CNOT7: variants seen among roughly 807,000 people sequenced by gnomAD.
The protein encoded by CNOT7 is BTG1-binding factor 1.
Under a neutral mutation model 37.1 loss-of-function variants are expected in CNOT7, and 4 were observed. The ratio of observed to expected loss-of-function variants is 0.11; its 90% CI spans 0.05 to 0.25. The LOEUF is 0.25. Ranked by LOEUF, CNOT7 falls within the 10% of genes least tolerant of loss-of-function variation. CNOT7 has a pLI of 1.00. For synonymous variants in CNOT7, 128 were observed against 115.6 expected (o/e 1.11, Z -0.69); for missense variants, 170 against 336.2 (o/e 0.51, Z 3.87).
At chr8:17,234,915 A>T (rs1486207276) in intron 4 of CNOT7, 55 bp from the exon 5 acceptor site, 71 of 1,167,620 alleles carry the variant, frequency 6.1e-5, no homozygotes, top group Middle Eastern at 3.2e-4. Context: ...TATAAAGATT[A>T]AAAAAAAAAG....
rs61036000 is a variant in CNOT7 at position 17,226,029 on chromosome 8, C to CTTTTTTTTTTTTTTTTTTTTTT, written c.*4669_*4690dup. Reference sequence around the variant, plus strand: ...TCTTCTAGTAGAGAGGTGGACAAGCCTTTTTTTTTTTTTTTTTTTTTTTTT... The same window carrying CTTTTTTTTTTTTTTTTTTTTTT: ...TCTTCTAGTAGAGAGGTGGACAAGCCTTTTTTTTTTTTTTTTTTTTTTTTTTTTTTTTTTTTTTTTTTTTTTT... On this transcript the variant is annotated 3_prime_UTR_variant, in exon 7 of 7. Transcript: ENST00000361272. 1 of 58,720 alleles carries CTTTTTTTTTTTTTTTTTTTTTT rather than the reference C, an allele frequency of 1.7e-5. No individual in the cohort carries two copies. Among genetic ancestry groups the CTTTTTTTTTTTTTTTTTTTTTT allele is most frequent in the African/African-American group, 6.6e-5 (1 of 15,082 alleles). 3.6% of individuals were successfully genotyped at this position (58,720 alleles called of 1,614,324 possible).
At chr8:17,235,081 G>A (rs898028399) in intron 4 of CNOT7, among the ~76,000 whole-genome samples, 9 of 152,190 alleles carry the variant, frequency 5.9e-5, no homozygotes, top group African/African-American at 2.2e-4. Flanking sequence ...ATTATTCAGA[G>A]ATATCAACAC....
chr8:17,237,591 C>A (rs896440507), intron 3 of CNOT7: 8 of 486,250 alleles, frequency 1.6e-5, no homozygotes, highest in African/African-American at 1.1e-4. Flanking sequence ...TTCAGAGAGT[C>A]CAAAGGTGCA....
rs572244155 is a variant in CNOT7, at chr8:17,225,125, A to G, written c.*5595T>C. 4 of 151,874 alleles carry G rather than the reference A, an allele frequency of 2.6e-5. No homozygotes were observed. Among genetic ancestry groups the G allele is most frequent in the African/African-American group, 9.6e-5 (4 of 41,542 alleles). 9.4% of individuals were successfully genotyped at this position (151,874 alleles called of 1,614,324 possible). On this transcript the variant is annotated 3_prime_UTR_variant, in exon 7 of 7. Transcript: ENST00000361272. ...ACTTAAAACCTATGACATGGCTAGT[A>G]AGATGTAAAATATTAAGTCCCCTTG... is the stretch of plus-strand genomic sequence containing the variant.
At chr8:17,234,224 A>T (rs1253431807) in intron 5 of CNOT7, among the ~76,000 whole-genome samples, 7 of 152,208 alleles carry the variant, frequency 4.6e-5, no homozygotes, top group Admixed American at 6.5e-5. Flanking sequence ...TAATCCTAGG[A>T]GCATTATCCT....
chr8:17,237,435 CTGCT>C (rs1463887617), intron 3 of CNOT7, 62 bp from the exon 4 acceptor site: 2 of 1,483,878 alleles, frequency 1.3e-6, no homozygotes, highest in East Asian at 4.5e-5. Flanking sequence ...AGCTGTTCTT[CTGCT>C]TACATCTATA....
At chr8:17,231,057 T>C (rs1808534514) in intron 6 of CNOT7, among the ~76,000 whole-genome samples, 3 of 152,040 alleles carry the variant, frequency 2.0e-5, no homozygotes, top group South Asian at 4.1e-4. Context: ...AGAAAGAGAC[T>C]ACAAAAAAAG....
chr8:17,231,482 T>C (rs1483363256), intron 6 of CNOT7: 2 of 972,172 alleles, frequency 2.1e-6, no homozygotes, highest in Non-Finnish European at 2.4e-6. Flanking sequence ...CATGAATGGA[T>C]AGTCCAAATC....
intron 5 of CNOT7, among the ~76,000 whole-genome samples, chr8:17,232,959 C>T (rs964809048): frequency 1.3e-5 from 2 of 152,136 alleles, no homozygotes; most frequent in African/African-American, 4.8e-5. Context: ...TTGTAGTTTT[C>T]ACTTAATTTT....
intron 6 of CNOT7, among the ~76,000 whole-genome samples, chr8:17,231,207 A>T (rs1481597862): frequency 6.6e-6 from 1 of 152,148 alleles, no homozygotes; most frequent in Non-Finnish European, 1.5e-5. Context: ...TTAGGTTCAT[A>T]AACTGTCTTA....
intron 4 of CNOT7, among the ~76,000 whole-genome samples, chr8:17,235,683 A>G (rs1040846572): frequency 6.6e-6 from 1 of 152,218 alleles, no homozygotes; most frequent in Admixed American, 6.5e-5. Flanking sequence ...CAGGAAGCCT[A>G]TATGACATTT....
At chr8:17,245,905 T>A (rs1324580223) in intron 1 of CNOT7, 6 of 152,088 alleles carry the variant, frequency 3.9e-5, no homozygotes, top group African/African-American at 1.4e-4. Context: ...TCCTGTTGAT[T>A]CTTGGGCAGG....
chr8:17,245,833 A>T (rs1016901770), intron 1 of CNOT7: 1 of 152,188 alleles, frequency 6.6e-6, no homozygotes, highest in Non-Finnish European at 1.5e-5. Flanking sequence ...AACGTCTAAA[A>T]CTTAGAGCAT....
At chr8:17,235,001 G>C (rs1160928453) in intron 4 of CNOT7, 141 bp from the exon 5 acceptor site, 3 of 651,356 alleles carry the variant, frequency 4.6e-6, no homozygotes, top group East Asian at 2.8e-5. Flanking sequence ...CACAAGAACA[G>C]AGAAAACAAA....
In CNOT7 at chr8:17,226,873, G is replaced by A. The variant is rs890376076; in HGVS notation, c.*3847C>T. The A allele has an allele frequency of 2.0e-5, 3 of 151,686 alleles. No homozygotes were observed. The highest frequency in any genetic ancestry group is 7.3e-5 in the African/African-American group (3 of 41,362). The allele number at this position is 151,686 out of a possible 1,614,324, so 9.4% of individuals were successfully genotyped here. ...AGTTACTCAGTGTTAAAAAACAGTG[G>A]TTGAGGATGGTTTTTCTCATTCAGA... On this transcript the variant is annotated 3_prime_UTR_variant, in exon 7 of 7. Transcript: ENST00000361272.
chr8:17,240,434 G>A (rs1226750168), intron 3 of CNOT7, among the ~76,000 whole-genome samples: 2 of 151,856 alleles, frequency 1.3e-5, no homozygotes, highest in African/African-American at 2.4e-5. Flanking sequence ...CCTCTAGTGT[G>A]GCCCAGGGAA....
At chr8:17,242,954 A>C in intron 3 of CNOT7, 38 bp downstream of exon 3, 1 of 1,450,036 alleles carries the variant, frequency 6.9e-7, no homozygotes, top group Non-Finnish European at 9.2e-7. Flanking sequence ...AAAGAAAAAA[A>C]AAAAAAAGTC....
rs61036000 is a variant in CNOT7, at chr8:17,226,029, CTTTTTTTTTTTTTTT to C, written c.*4676_*4690del. The C allele has an allele frequency of 1.7e-5, 1 of 58,704 alleles. No individual in the cohort carries two copies. Among genetic ancestry groups the C allele is most frequent in the African/African-American group, 6.6e-5 (1 of 15,068 alleles). 3.6% of individuals were successfully genotyped at this position (58,704 alleles called of 1,614,324 possible). ...TCTTCTAGTAGAGAGGTGGACAAGC[CTTTTTTTTTTTTTTT>C]TTTTTTTTTTTGAAAAGGGCAGGTA... On this transcript the variant is annotated 3_prime_UTR_variant, in exon 7 of 7. Transcript: ENST00000361272.
chr8:17,231,237 G>A (rs892449873), intron 6 of CNOT7, among the ~76,000 whole-genome samples: 6 of 152,066 alleles, frequency 3.9e-5, no homozygotes, highest in African/African-American at 1.4e-4. Context: ...GCAAGGCTGA[G>A]CTGGCTATAA....
Sources: gnomAD v4.1 joint callset for allele counts (sites outside exome capture counted in the v4.1 genomes callset) on GRCh38, gnomAD v4.1.1 for gene constraint, MANE v1.5 for transcripts, NCBI Gene and HGNC (gene_info 2026-07-23, HGNC 2026-07-21) for gene names.